ARL8B: variants seen among roughly 807,000 people sequenced by gnomAD.
The protein encoded by ARL8B is ADP-ribosylation factor-like protein 8B.
Under a neutral mutation model 30.6 loss-of-function variants are expected in ARL8B, and 9 were observed. That is an observed-to-expected ratio of 0.29 (90% CI 0.18 to 0.51). The LOEUF is 0.51. Ranked by LOEUF, ARL8B falls within the 20% of genes least tolerant of loss-of-function variation. The pLI, the probability that ARL8B is intolerant of heterozygous loss-of-function variation, is 0.97. For missense variants in ARL8B, 130 were observed against 227.2 expected (o/e 0.57, Z 2.75); for synonymous variants, 74 against 76.0 (o/e 0.97, Z 0.14).
In ARL8B at chr3:5,179,673, T is replaced by G. The variant is rs191037023; in HGVS notation, c.*960T>G. On this transcript the variant is annotated 3_prime_UTR_variant, in exon 7 of 7. Coordinates refer to ENST00000256496, the MANE Select transcript of ARL8B (RefSeq NM_018184.3). ...ACTCCTGACTTTTTATATCCAGTCA[T>G]AAAGTTGACTTTCAGCACAAAAGAT... is the stretch of plus-strand genomic sequence containing the variant. 43 of 152,764 alleles carry G rather than the reference T, an allele frequency of 2.8e-4. No homozygotes were observed. Among genetic ancestry groups the G allele is most frequent in the African/African-American group, 9.4e-4 (39 of 41,592 alleles). 9.5% of individuals were successfully genotyped at this position (152,764 alleles called of 1,614,324 possible).
intron 1 of ARL8B, among the ~76,000 whole-genome samples, chr3:5,142,075 G>C (rs922718395): frequency 3.9e-5 from 6 of 152,058 alleles, no homozygotes; most frequent in African/African-American, 1.4e-4. Flanking sequence ...GTGTTTTCAG[G>C]TATCTTATGG....
At chr3:5,165,710 T>C (rs1234828538) in intron 1 of ARL8B, among the ~76,000 whole-genome samples, 1 of 152,184 alleles carries the variant, frequency 6.6e-6, no homozygotes, top group Non-Finnish European at 1.5e-5. Context: ...TATTTTTCTA[T>C]TTGTCTTTTC....
chr3:5,141,333 C>G (rs778711215), intron 1 of ARL8B, among the ~76,000 whole-genome samples: 69 of 152,170 alleles, frequency 4.5e-4, no homozygotes, highest in Non-Finnish European at 4.9e-4. Context: ...TTCATCTAAA[C>G]CCTTTTGGTC....
intron 1 of ARL8B, among the ~76,000 whole-genome samples, chr3:5,164,135 A>G (rs186243211): frequency 1.2e-3 from 189 of 152,176 alleles, no homozygotes; most frequent in African/African-American, 4.3e-3. Context: ...TGAATACTGT[A>G]TTTTTGATCT....
chr3:5,166,875 G>C (rs1333626345), intron 1 of ARL8B, among the ~76,000 whole-genome samples: 1 of 152,162 alleles, frequency 6.6e-6, no homozygotes, highest in African/African-American at 2.4e-5. Context: ...TAATGAATTT[G>C]GGAAAAGCCA....
intron 1 of ARL8B, among the ~76,000 whole-genome samples, chr3:5,123,375 GT>G (rs1238231077): frequency 6.6e-6 from 1 of 152,224 alleles, no homozygotes; most frequent in Admixed American, 6.5e-5. Flanking sequence ...TAGGGAATGG[GT>G]GGAAGGAAAA....
At chr3:5,174,237 C>T (rs558064430) in intron 5 of ARL8B, 107 bp from the exon 6 acceptor site, 14 of 1,070,592 alleles carry the variant, frequency 1.3e-5, no homozygotes, top group African/African-American at 3.2e-5. Context: ...AGGATTGCTA[C>T]GATGATTTCT....
intron 1 of ARL8B, among the ~76,000 whole-genome samples, chr3:5,133,941 A>C (rs1054441331): frequency 6.6e-6 from 1 of 152,114 alleles, no homozygotes; most frequent in Non-Finnish European, 1.5e-5. Flanking sequence ...TCTCCCCTGC[A>C]CTGCACAGCA....
At chr3:5,127,512 G>A (rs1388703332) in intron 1 of ARL8B, among the ~76,000 whole-genome samples, 2 of 152,058 alleles carry the variant, frequency 1.3e-5, no homozygotes, top group Admixed American at 1.3e-4. Context: ...TAACATTTGA[G>A]GACTATATAT....
intron 1 of ARL8B, among the ~76,000 whole-genome samples, chr3:5,167,979 G>A (rs1287128751): frequency 6.6e-6 from 1 of 152,150 alleles, no homozygotes; most frequent in Non-Finnish European, 1.5e-5. Flanking sequence ...GGTCCATAAA[G>A]TAATTATTGC....
intron 1 of ARL8B, among the ~76,000 whole-genome samples, chr3:5,139,992 T>G (rs1418249392): frequency 2.0e-5 from 3 of 150,668 alleles, no homozygotes; most frequent in South Asian, 2.1e-4. Flanking sequence ...GTTTTGTTTT[T>G]TTTTTTTTTT....
At position 5,149,463 on chromosome 3, in the gene ARL8B, G is replaced by C. The variant is rs1014874295; in HGVS notation, c.124-21040G>C. On this transcript the variant is annotated intron_variant, in intron 1 of 6. Coordinates refer to ENST00000256496, the MANE Select transcript of ARL8B (RefSeq NM_018184.3). ...AAAATGGACTTGGAGACACCATCCC[G>C]TGTGTGGTAGGCAGGCACACCTGGG... Among the ~76,000 whole-genome samples the C allele has an allele frequency of 2.6e-5, 4 of 151,890 alleles. No individual in the cohort carries two copies. The South Asian group carries it at 6.2e-4, about 24-fold the overall frequency.
chr3:5,166,008 C>T (rs926978900), intron 1 of ARL8B, among the ~76,000 whole-genome samples: 6 of 151,558 alleles, frequency 4.0e-5, no homozygotes, highest in Admixed American at 6.6e-5. Flanking sequence ...TAGTTGCACC[C>T]GCCCCCTCAC....
chr3:5,141,498 A>G (rs1216948878), intron 1 of ARL8B, among the ~76,000 whole-genome samples: 1 of 152,218 alleles, frequency 6.6e-6, no homozygotes, highest in African/African-American at 2.4e-5. Context: ...CTCACACACA[A>G]GTAATACTAC....
chr3:5,140,237 A>G (rs2054360728), intron 1 of ARL8B, among the ~76,000 whole-genome samples: 2 of 151,944 alleles, frequency 1.3e-5, no homozygotes, highest in African/African-American at 4.8e-5. Context: ...CATAATTCCC[A>G]CATGTTGTGG....
At chr3:5,133,577 A>G (rs1271212259) in intron 1 of ARL8B, among the ~76,000 whole-genome samples, 1 of 152,208 alleles carries the variant, frequency 6.6e-6, no homozygotes, top group Non-Finnish European at 1.5e-5. Flanking sequence ...AACAGCAGTT[A>G]CAGGGTGGGG....
At chr3:5,151,723 C>A (rs1156361862) in intron 1 of ARL8B, among the ~76,000 whole-genome samples, 6 of 118,778 alleles carry the variant, frequency 5.1e-5, no homozygotes, top group East Asian at 2.4e-4. Context: ...CTCCCCCCAC[C>A]CCCCCCCTTG....
Position 5,132,504 on chromosome 3 carries a change from G to A in ARL8B, c.123+9916G>A, listed in dbSNP as rs574343470. ...TCCACCTGCTTCGGCCTCCCAAAGT[G>A]CTGGGATTACAGGCGTGAGCCACTG... On this transcript the variant is annotated intron_variant, in intron 1 of 6. Transcript: ENST00000256496. 2.6e-5 allele frequency among the ~76,000 whole-genome samples: 4 copies of A among 152,260 alleles called. No homozygotes were observed. The South Asian group carries it at 8.3e-4, about 32-fold the overall frequency.
chr3:5,122,702 G>T, intron 1 of ARL8B, 114 bp downstream of exon 1: 1 of 1,226,428 alleles, frequency 8.2e-7, no homozygotes. Flanking sequence ...ATGGCGGGGG[G>T]CGTGCGAAGC....
Sources: allele counts gnomAD v4.1 joint callset (sites outside exome capture counted in the v4.1 genomes callset), GRCh38; gene constraint gnomAD v4.1.1; transcripts MANE v1.5; gene names NCBI Gene and HGNC (gene_info 2026-07-23, HGNC 2026-07-21).